Variants in LINGO2 observed in about 807,000 individuals in gnomAD.
The protein encoded by LINGO2 is leucine rich repeat and Ig domain containing 2.
A neutral mutation model predicts 30.6 loss-of-function variants in LINGO2; 14 were observed. The ratio of observed to expected loss-of-function variants is 0.46; its 90% CI spans 0.30 to 0.72. The LOEUF (loss-of-function observed/expected upper bound fraction) is 0.72, where lower values mean the gene tolerates loss of function less well. Among genes scored for constraint, LINGO2 ranks in the 30% least tolerant of loss-of-function variants. The pLI, the probability that LINGO2 is intolerant of heterozygous loss-of-function variation, is 0.07. For synonymous variants in LINGO2, 317 were observed against 288.5 expected, an observed-to-expected ratio of 1.10 and a Z score of -1.00; for missense variants, 729 against 751.7, an observed-to-expected ratio of 0.97 and a Z score of 0.35.
chr9:29,073,344 T>C, the LINGO2 span, among the ~76,000 whole-genome samples: 1 of 152,080 alleles, frequency 6.6e-6, no homozygotes. Context: ...CTATTATGTG[T>C]TAAGTAATGG....
the LINGO2 span, among the ~76,000 whole-genome samples, chr9:28,738,815 T>C: frequency 1.3e-5 from 2 of 151,920 alleles, no homozygotes; most frequent in South Asian, 4.2e-4. Flanking sequence ...TCCAGTAGAG[T>C]CCAATAAAAA....
chr9:28,311,794 A>C (rs1200002175), intron 3 of LINGO2, among the ~76,000 whole-genome samples: 1 of 152,166 alleles, frequency 6.6e-6, no homozygotes, highest in Non-Finnish European at 1.5e-5. Flanking sequence ...GGCAACATAC[A>C]TCCCCCTTAG....
At chr9:28,628,030 C>G (rs540916393) in intron 1 of LINGO2, among the ~76,000 whole-genome samples, 2 of 151,942 alleles carry the variant, frequency 1.3e-5, no homozygotes, top group Admixed American at 1.3e-4. Context: ...CTCAATAATA[C>G]CATTCTTCAT....
the LINGO2 span, among the ~76,000 whole-genome samples, chr9:28,848,291 A>ATATACTATATATACACTATGCG: frequency 1.1e-4 from 8 of 73,088 alleles, 1 homozygote; most frequent in Admixed American, 8.8e-4. Context: ...CACTATGCAT[A>ATATACTATATATACACTATGCG]TATATATACT....
intron 2 of LINGO2, among the ~76,000 whole-genome samples, chr9:28,423,613 G>C (rs1823292369): frequency 6.6e-6 from 1 of 152,062 alleles, no homozygotes. Context: ...ACTCCCCATG[G>C]TAATTCTTAG....
At chr9:28,584,306 T>C (rs1441182919) in intron 1 of LINGO2, among the ~76,000 whole-genome samples, 1 of 152,132 alleles carries the variant, frequency 6.6e-6, no homozygotes, top group Non-Finnish European at 1.5e-5. Flanking sequence ...TTCAAAAACC[T>C]GTTGGCTCTC....
intron 4 of LINGO2, among the ~76,000 whole-genome samples, chr9:28,209,492 T>A (rs977915495): frequency 2.0e-5 from 3 of 151,964 alleles, no homozygotes; most frequent in Admixed American, 2.0e-4. Context: ...AAAATCAGGA[T>A]TTACTGTCTA....
chr9:28,432,755 T>C (rs1823730405), intron 2 of LINGO2, among the ~76,000 whole-genome samples: 1 of 152,142 alleles, frequency 6.6e-6, no homozygotes. Flanking sequence ...AACTGCACTT[T>C]TAAAATACAG....
chr9:28,013,610 G>GAAAC lies in LINGO2; in HGVS notation c.-86-1206_-86-1205insGTTT, dbSNP rs1587689494. Among the ~76,000 whole-genome samples the GAAAC allele has an allele frequency of 2.0e-5, 3 of 152,338 alleles. No homozygotes were observed. In the East Asian group the frequency reaches 5.8e-4, roughly 29 times the overall value. On this transcript the variant is annotated intron_variant, in intron 4 of 5. Coordinates refer to ENST00000379992, the Ensembl canonical transcript of LINGO2. ...GGGAGTGAATGAGAAGAAGCTGATA[G>GAAAC]TAAGTAGCTCTACTTTTAGTTTCTT...
chr9:28,942,377 G>A, the LINGO2 span, among the ~76,000 whole-genome samples: 561 of 152,220 alleles, frequency 3.7e-3, 2 homozygotes, highest in African/African-American at 0.013. Context: ...TAAGTGATGG[G>A]GGTGCCAGGT....
At chr9:28,277,850 C>A (rs202215356) in intron 4 of LINGO2, among the ~76,000 whole-genome samples, 1,455 of 135,828 alleles carry the variant, frequency 0.011, 14 homozygotes, top group South Asian at 0.034. Context: ...AAAAAAAAAA[C>A]AAAAAAAAAA....
At chr9:28,375,251 C>G (rs1283768738) in intron 2 of LINGO2, among the ~76,000 whole-genome samples, 2 of 152,144 alleles carry the variant, frequency 1.3e-5, no homozygotes, top group African/African-American at 4.8e-5. Context: ...AGCTGTCCAA[C>G]CTAATAGCAA....
intron 4 of LINGO2, chr9:28,080,540 C>T (rs1035694642): frequency 1.4e-4 from 22 of 152,250 alleles, no homozygotes; most frequent in African/African-American, 5.1e-4. Context: ...AAATTCCTAC[C>T]TTCCCCAGTT....
At chr9:28,504,411 T>C (rs180736659) in intron 1 of LINGO2, among the ~76,000 whole-genome samples, 6 of 151,602 alleles carry the variant, frequency 4.0e-5, no homozygotes, top group Non-Finnish European at 8.8e-5. Flanking sequence ...GGCATAATGC[T>C]TCACAAGGGG....
chr9:28,044,514 G>A lies in LINGO2; in HGVS notation c.-86-32109C>T, dbSNP rs182268348. On this transcript the variant is annotated intron_variant, in intron 4 of 5. Transcript: ENST00000379992. ...CCAGGTTTCTGGAGCAACAGCATGG[G>A]TTGCTAATTTTAAAGTCCCTCCTTT... is the stretch of plus-strand genomic sequence containing the variant. 8.9e-4 allele frequency among the ~76,000 whole-genome samples: 136 copies of A among 152,224 alleles called. 1 individual carries two copies. Among genetic ancestry groups the A allele is most frequent in the Non-Finnish European group, 1.1e-3 (74 of 68,020 alleles).
intron 3 of LINGO2, among the ~76,000 whole-genome samples, chr9:28,316,686 CAG>C (rs1262747360): frequency 2.0e-5 from 3 of 152,058 alleles, no homozygotes; most frequent in African/African-American, 7.2e-5. Context: ...CCAATATACA[CAG>C]AGTGTCTTAA....
chr9:27,981,574 A>AC (rs2118911446), intron 5 of LINGO2, among the ~76,000 whole-genome samples: 1 of 148,078 alleles, frequency 6.8e-6, no homozygotes, highest in Admixed American at 6.7e-5. Context: ...AAAAAAGAAA[A>AC]AAAAAAGAAA....
chr9:27,997,405 C>A (rs897124331), intron 5 of LINGO2, among the ~76,000 whole-genome samples: 2 of 152,118 alleles, frequency 1.3e-5, no homozygotes, highest in African/African-American at 4.8e-5. Flanking sequence ...CCCCTCCCCC[C>A]GTCATAAGTG....
the LINGO2 span, among the ~76,000 whole-genome samples, chr9:29,020,681 C>T: frequency 3.3e-5 from 5 of 151,880 alleles, no homozygotes; most frequent in African/African-American, 4.8e-5. Flanking sequence ...TGGTCATGGA[C>T]GACTGCATAG....
Sources: gnomAD v4.1 joint callset for allele counts (sites outside exome capture counted in the v4.1 genomes callset) on GRCh38, gnomAD v4.1.1 for gene constraint, MANE v1.5 for transcripts, NCBI Gene and HGNC (gene_info 2026-07-23, HGNC 2026-07-21) for gene names.